Variants in ADAMTSL1 observed in about 807,000 individuals in gnomAD.
ADAMTSL1 encodes the protein ADAMTS-like protein 1.
In ADAMTSL1, 126 loss-of-function variants were observed where a neutral mutation model predicts 201.8. The observed-to-expected ratio is 0.62, with a 90% CI of 0.54 to 0.72. ADAMTSL1 has a LOEUF of 0.72. Ranked by LOEUF, ADAMTSL1 falls within the 30% of genes least tolerant of loss-of-function variation. The probability of loss-of-function intolerance (pLI) is 0.00; values close to 1 mark genes in which losing one functional copy is unlikely to be tolerated. For missense variants in ADAMTSL1, 2,679 were observed against 2,277.8 expected (o/e 1.18, Z -3.59); for synonymous variants, 1,121 against 903.4 (o/e 1.24, Z -4.32).
At chr9:17,962,687 C>G (rs556985994) in intron 1 of ADAMTSL1, among the ~76,000 whole-genome samples, 9 of 152,200 alleles carry the variant, frequency 5.9e-5, no homozygotes, top group Non-Finnish European at 1.2e-4. Context: ...GGACCAATTA[C>G]ATTATTTCCC....
intron 3 of ADAMTSL1, among the ~76,000 whole-genome samples, chr9:18,550,491 C>T (rs1052563364): frequency 6.6e-6 from 1 of 151,926 alleles, no homozygotes; most frequent in Non-Finnish European, 1.5e-5. Context: ...TTTCTAGGAG[C>T]TAATGGTCAC....
intron 1 of ADAMTSL1, among the ~76,000 whole-genome samples, chr9:17,926,392 C>G (rs1410969074): frequency 2.0e-5 from 3 of 152,172 alleles, no homozygotes; most frequent in African/African-American, 7.2e-5. Context: ...GTTTATTTCA[C>G]CACTCGGCCA....
intron 19 of ADAMTSL1, among the ~76,000 whole-genome samples, chr9:18,785,514 CAT>C (rs1222476968): frequency 6.6e-6 from 1 of 152,216 alleles, no homozygotes; most frequent in African/African-American, 2.4e-5. Context: ...TGTGACTGCA[CAT>C]GTTTACAGTG....
intron 26 of ADAMTSL1, among the ~76,000 whole-genome samples, chr9:18,903,723 G>C (rs1037040140): frequency 1.3e-5 from 2 of 150,292 alleles, no homozygotes; most frequent in East Asian, 2.0e-4. Flanking sequence ...TGATTGATTG[G>C]TGTCAGGAGC....
At chr9:18,850,794 G>C (rs895116669) in intron 23 of ADAMTSL1, among the ~76,000 whole-genome samples, 2 of 152,142 alleles carry the variant, frequency 1.3e-5, no homozygotes, top group African/African-American at 2.4e-5. Flanking sequence ...CTTCCTCTCT[G>C]TATTTGCTAA....
chr9:18,780,198 T>A (rs926227624), intron 19 of ADAMTSL1, among the ~76,000 whole-genome samples: 2 of 152,182 alleles, frequency 1.3e-5, no homozygotes, highest in African/African-American at 2.4e-5. Context: ...TAGACAAGCA[T>A]TGAGGGGTCC....
At chr9:18,665,158 A>G (rs936995832) in intron 9 of ADAMTSL1, among the ~76,000 whole-genome samples, 20 of 152,100 alleles carry the variant, frequency 1.3e-4, no homozygotes, top group Admixed American at 2.6e-4. Flanking sequence ...ACTCTCTGTG[A>G]TAATAAGAAT....
In ADAMTSL1 at chr9:18,474,290, C is replaced by T; in HGVS notation, c.58C>T (p.Leu20Phe). The change falls in exon 1 of 29, where the codon CTC becomes TTC. Residue 20 changes from leucine (L) to phenylalanine (F), a missense_variant. Physicochemically the swap from Leu to Phe is conservative, Grantham distance 22. Coordinates refer to ENST00000380548, the MANE Select transcript of ADAMTSL1 (RefSeq NM_001040272.6). Reference protein sequence around the residue: ...GTLLLFLAFLLLSSRTARSEE... With the variant: ...GTLLLFLAFLFLSSRTARSEE... The stretch of plus-strand genomic sequence containing the variant: ...ACTGCTCCTCTTTCTGGCTTTCCTG[C>T]TCCTGGTAAATGCCTTTTCATTTCA... 1 of 1,614,094 alleles carries T rather than the reference C, an allele frequency of 6.2e-7. No individual in the cohort carries two copies. The highest frequency in any genetic ancestry group is 8.5e-7 in the Non-Finnish European group (1 of 1,180,002).
At position 18,088,269 on chromosome 9, in the gene ADAMTSL1, A is replaced by G. The variant is rs531261850; in HGVS notation, c.88-75593A>G. Among the ~76,000 whole-genome samples, 5 of 152,316 alleles carry G rather than the reference A, an allele frequency of 3.3e-5. No individual in the cohort carries two copies. The South Asian group carries it at 8.3e-4, about 25-fold the overall frequency. On this transcript the variant is annotated intron_variant, in intron 1 of 29. Coordinates refer to the ADAMTSL1 transcript ENST00000680146. The stretch of plus-strand genomic sequence containing the variant: ...CTTTAAGTAGATTAAATACTTAAAT[A>G]TAAGACTGGAAACTGAAAAATCTGT...
At chr9:17,924,225 G>A (rs1242290306) in intron 1 of ADAMTSL1, among the ~76,000 whole-genome samples, 5 of 152,054 alleles carry the variant, frequency 3.3e-5, no homozygotes, top group South Asian at 2.1e-4. Flanking sequence ...TGTACCTCTG[G>A]TAGAATTAGG....
At chr9:18,646,389 C>T (rs199956995) in intron 7 of ADAMTSL1, among the ~76,000 whole-genome samples, 1 of 151,618 alleles carries the variant, frequency 6.6e-6, no homozygotes, top group Admixed American at 6.6e-5. Flanking sequence ...ATTTCCTTCT[C>T]CTGCCTAATT....
At chr9:18,338,418 C>T (rs1835337197) in intron 2 of ADAMTSL1, among the ~76,000 whole-genome samples, 2 of 152,058 alleles carry the variant, frequency 1.3e-5, no homozygotes, top group Non-Finnish European at 2.9e-5. Context: ...GTCCTCACAC[C>T]TTATGTAACT....
chr9:17,919,751 T>A (rs1826234323), intron 1 of ADAMTSL1, among the ~76,000 whole-genome samples: 1 of 152,166 alleles, frequency 6.6e-6, no homozygotes, highest in Non-Finnish European at 1.5e-5. Context: ...TTCCCACTTT[T>A]TAGCTATTAT....
At chr9:18,778,048 C>A in intron 19 of ADAMTSL1, 142 bp downstream of exon 19, 3 of 1,042,126 alleles carry the variant, frequency 2.9e-6, no homozygotes, top group Middle Eastern at 2.9e-4. Context: ...GGGGTGCAGG[C>A]CCTCTCTTAG....
intron 1 of ADAMTSL1, among the ~76,000 whole-genome samples, chr9:18,033,064 T>G (rs955216118): frequency 3.3e-5 from 5 of 152,350 alleles, no homozygotes; most frequent in African/African-American, 9.6e-5. Flanking sequence ...ATCTTGTCCC[T>G]TCCCAATCTT....
At chr9:18,798,697 G>A (rs553230539) in intron 20 of ADAMTSL1, among the ~76,000 whole-genome samples, 5 of 152,270 alleles carry the variant, frequency 3.3e-5, no homozygotes, top group South Asian at 4.1e-4. Flanking sequence ...AATATTTCAC[G>A]TGGGCAACAG....
intron 2 of ADAMTSL1, among the ~76,000 whole-genome samples, chr9:18,329,017 C>CT (rs1834932808): frequency 6.6e-6 from 1 of 152,132 alleles, no homozygotes; most frequent in African/African-American, 2.4e-5. Flanking sequence ...TTACATCCCT[C>CT]CAAAATTTCC....
At chr9:18,724,067 C>T (rs997415930) in intron 15 of ADAMTSL1, 10 of 152,104 alleles carry the variant, frequency 6.6e-5, no homozygotes, top group Non-Finnish European at 1.3e-4. Context: ...GTTTCTAGAC[C>T]GTGTCCTTTG....
Position 18,749,377 on chromosome 9 carries a change from T to C in ADAMTSL1, c.2007-3921T>C, listed in dbSNP as rs1588039187. On this transcript the variant is annotated intron_variant, in intron 15 of 28. Transcript: ENST00000380548. Reference sequence around the variant, plus strand: ...ATTTTACCCAGTTGAGGGTTTCCTCTCTGAAGAAGTAGCATTTTAAATGGA... The same window carrying C: ...ATTTTACCCAGTTGAGGGTTTCCTCCCTGAAGAAGTAGCATTTTAAATGGA... 1.3e-5 allele frequency among the ~76,000 whole-genome samples: 2 copies of C among 152,226 alleles called. 1 individual carries two copies. Among genetic ancestry groups the C allele is most frequent in the Middle Eastern group, 6.8e-3 (2 of 294 alleles).
Sources: allele counts gnomAD v4.1 joint callset (sites outside exome capture counted in the v4.1 genomes callset), GRCh38; gene constraint gnomAD v4.1.1; transcripts MANE v1.5; gene names NCBI Gene and HGNC (gene_info 2026-07-23, HGNC 2026-07-21).